Variants in GFOD1 observed in about 807,000 individuals in gnomAD.
GFOD1 encodes the protein Gfo/Idh/MocA-like oxidoreductase domain containing 1, also known as glucose-fructose oxidoreductase domain-containing protein 1.
In GFOD1, 9 loss-of-function variants were observed where a neutral mutation model predicts 25.4. The ratio of observed to expected loss-of-function variants is 0.35; its 90% CI spans 0.21 to 0.62. GFOD1 has a LOEUF of 0.62. Among genes scored for constraint, GFOD1 ranks in the 20% least tolerant of loss-of-function variants. GFOD1 has a pLI of 0.72. For synonymous variants in GFOD1, 253 were observed against 245.6 expected (o/e 1.03, Z -0.28); for missense variants, 403 against 556.9 (o/e 0.72, Z 2.78).
intron 1 of GFOD1, among the ~76,000 whole-genome samples, chr6:13,396,366 A>G (rs1785730513): frequency 6.6e-6 from 1 of 152,208 alleles, no homozygotes; most frequent in South Asian, 2.1e-4. Flanking sequence ...CTGAGGGGCC[A>G]TGTGCTTTCC....
chr6:13,409,164 A>G (rs55951341), intron 1 of GFOD1, among the ~76,000 whole-genome samples: 1,379 of 43,784 alleles, frequency 0.031, 238 homozygotes, highest in South Asian at 0.062. Flanking sequence ...GAAAGAAAGA[A>G]AGGAAAGAGA....
intron 1 of GFOD1, among the ~76,000 whole-genome samples, chr6:13,388,364 A>G (rs1403392832): frequency 6.6e-6 from 1 of 152,236 alleles, no homozygotes; most frequent in Non-Finnish European, 1.5e-5. Context: ...CTTCAAATAT[A>G]CTACAAGTCT....
At chr6:13,403,948 T>C (rs1005690628) in intron 1 of GFOD1, among the ~76,000 whole-genome samples, 2 of 152,182 alleles carry the variant, frequency 1.3e-5, no homozygotes, top group Non-Finnish European at 2.9e-5. Flanking sequence ...ATTATGGAGA[T>C]GGTTGTACAA....
intron 1 of GFOD1, among the ~76,000 whole-genome samples, chr6:13,373,061 T>C (rs987927227): frequency 6.6e-6 from 1 of 152,214 alleles, no homozygotes; most frequent in Non-Finnish European, 1.5e-5. Context: ...TTATCTTCAT[T>C]TATACTTTGT....
chr6:13,452,923 C>G (rs779086013), intron 1 of GFOD1, among the ~76,000 whole-genome samples: 1 of 152,188 alleles, frequency 6.6e-6, no homozygotes, highest in Non-Finnish European at 1.5e-5. Context: ...CCCACCATCC[C>G]TTTTCCAGGG....
At chr6:13,482,291 T>C (rs1758769898) in intron 1 of GFOD1, among the ~76,000 whole-genome samples, 5 of 148,590 alleles carry the variant, frequency 3.4e-5, no homozygotes, top group Admixed American at 2.7e-4. Flanking sequence ...TTGATTATAT[T>C]ACTATATAAA....
rs139203965 is a variant in GFOD1, at chr6:13,373,340, T to A, written c.254-7678A>T. On this transcript the variant is annotated intron_variant, in intron 1 of 1. Transcript: ENST00000379287. ...TTCATCATTCAGAGTTTGGTTCGGGTATAAAAAATGGTCTAAAATAAGATT... is the reference window on the plus strand; with the variant it reads ...TTCATCATTCAGAGTTTGGTTCGGGAATAAAAAATGGTCTAAAATAAGATT... Among the ~76,000 whole-genome samples, 58 of 152,270 alleles carry A rather than the reference T, an allele frequency of 3.8e-4. No individual in the cohort carries two copies. In the South Asian group the frequency reaches 0.012, roughly 31 times the overall value.
chr6:13,451,779 C>T (rs558398364), intron 1 of GFOD1, among the ~76,000 whole-genome samples: 14 of 152,306 alleles, frequency 9.2e-5, no homozygotes, highest in East Asian at 3.9e-4. Flanking sequence ...GGTCGGCAAA[C>T]GAATGATCCT....
chr6:13,486,643 G>C lies in GFOD1; in HGVS notation c.248C>G (p.Thr83Ser). Reference sequence around the variant, plus strand: ...GCGGGGTAGGGGTCGCTCACCTAGGGTTTTGACAGCGATCTGTCTGGTGAG... The same window carrying C: ...GCGGGGTAGGGGTCGCTCACCTAGGCTTTTGACAGCGATCTGTCTGGTGAG... ...PPLTRQIAVK[T>S]LGIGKNVICD... The change falls in exon 1 of 2, where the codon ACC (threonine) becomes AGC (serine). Residue 83 changes from threonine (T) to serine (S), a missense_variant. Transcript: ENST00000379287. The C allele has an allele frequency of 1.9e-6, 3 of 1,614,014 alleles. No homozygotes were observed. The highest frequency in any genetic ancestry group is 2.5e-6 in the Non-Finnish European group (3 of 1,179,954).
chr6:13,409,567 T>C (rs1381670411), intron 1 of GFOD1, among the ~76,000 whole-genome samples: 2 of 151,902 alleles, frequency 1.3e-5, no homozygotes, highest in African/African-American at 4.8e-5. Context: ...TTAAAGGGAG[T>C]ATAACACATA....
At chr6:13,442,443 T>C (rs1191667657) in intron 1 of GFOD1, among the ~76,000 whole-genome samples, 1 of 152,192 alleles carries the variant, frequency 6.6e-6, no homozygotes, top group East Asian at 1.9e-4. Context: ...TTATGAAACA[T>C]AGTGATCTAA....
rs577539611 is a variant in GFOD1 at position 13,381,905 on chromosome 6, A to G, written c.254-16243T>C. ...CTGGAGTAAGAGAAATAAAACACAC[A>G]CGCGCGCGCGCACACACACACACAC... On this transcript the variant is annotated intron_variant, in intron 1 of 1. Coordinates refer to ENST00000379287, the MANE Select transcript of GFOD1 (RefSeq NM_018988.4). 3.8e-3 allele frequency among the ~76,000 whole-genome samples: 353 copies of G among 92,382 alleles called. 2 individuals carry two copies. The highest frequency in any genetic ancestry group is 0.014 in the African/African-American group (322 of 22,908). The allele number at this position is 92,382 out of a possible 152,430, so 60.6% of individuals were successfully genotyped here.
chr6:13,420,123 G>A (rs570514140), intron 1 of GFOD1, among the ~76,000 whole-genome samples: 3 of 151,240 alleles, frequency 2.0e-5, no homozygotes, highest in East Asian at 1.9e-4. Flanking sequence ...CTTCTGGCTC[G>A]CATGGGATCC....
intron 1 of GFOD1, among the ~76,000 whole-genome samples, chr6:13,478,099 A>C (rs556927593): frequency 2.0e-5 from 3 of 151,860 alleles, no homozygotes; most frequent in East Asian, 3.9e-4. Context: ...AACAAAAAAA[A>C]CCTACACAAT....
intron 1 of GFOD1, among the ~76,000 whole-genome samples, chr6:13,411,801 C>T (rs1240063101): frequency 6.6e-6 from 1 of 152,196 alleles, no homozygotes; most frequent in African/African-American, 2.4e-5. Flanking sequence ...CTTTCTACAA[C>T]CCGCTCATTG....
intron 1 of GFOD1, among the ~76,000 whole-genome samples, chr6:13,388,880 T>C (rs904377640): frequency 3.9e-5 from 6 of 152,172 alleles, no homozygotes; most frequent in Non-Finnish European, 8.8e-5. Flanking sequence ...AAAGGGCTAA[T>C]AGCCAGAAAC....
intron 1 of GFOD1, among the ~76,000 whole-genome samples, chr6:13,457,027 A>C (rs1758201627): frequency 6.6e-6 from 1 of 152,190 alleles, no homozygotes; most frequent in Non-Finnish European, 1.5e-5. Context: ...AAAATCAAAG[A>C]TGGGGCTTTT....
chr6:13,403,528 G>T (rs141872511), intron 1 of GFOD1, among the ~76,000 whole-genome samples: 1 of 152,302 alleles, frequency 6.6e-6, no homozygotes, highest in Non-Finnish European at 1.5e-5. Flanking sequence ...ACTAAATACT[G>T]TAGGCAATTG....
At chr6:13,414,352 A>C (rs10807437) in intron 1 of GFOD1, among the ~76,000 whole-genome samples, 34,259 of 152,292 alleles carry the variant, frequency 0.22, 3,976 homozygotes, top group East Asian at 0.34. Flanking sequence ...GAGTGCCGGA[A>C]GCACTGGGCA....
Sources: gnomAD v4.1 joint callset for allele counts (sites outside exome capture counted in the v4.1 genomes callset) on GRCh38, gnomAD v4.1.1 for gene constraint, MANE v1.5 for transcripts, NCBI Gene and HGNC (gene_info 2026-07-23, HGNC 2026-07-21) for gene names.